Variants in NEO1 observed in about 807,000 individuals in gnomAD.
The protein encoded by NEO1 is neogenin.
A neutral mutation model predicts 159.7 loss-of-function variants in NEO1; 63 were observed. The observed-to-expected ratio is 0.39, with a 90% CI of 0.32 to 0.49. NEO1 has a LOEUF of 0.49. Ranked by LOEUF, NEO1 falls within the 20% of genes least tolerant of loss-of-function variation. The pLI is 0.85. For missense variants in NEO1, 1,615 were observed against 1,831.0 expected, an observed-to-expected ratio of 0.88 and a Z score of 2.15; for synonymous variants, 633 against 662.0, an observed-to-expected ratio of 0.96 and a Z score of 0.67.
At chr15:73,216,116 T>C (rs1261654480) in intron 7 of NEO1, among the ~76,000 whole-genome samples, 1 of 136,844 alleles carries the variant, frequency 7.3e-6, no homozygotes, top group African/African-American at 2.7e-5. Flanking sequence ...CAGAGTGTGA[T>C]GTTCCCCTTC....
intron 7 of NEO1, among the ~76,000 whole-genome samples, chr15:73,196,205 T>C (rs2036524454): frequency 6.6e-6 from 1 of 152,216 alleles, no homozygotes; most frequent in Non-Finnish European, 1.5e-5. Flanking sequence ...CACACCTTTT[T>C]TAATGAGTGC....
At chr15:73,058,635 C>T (rs1017013257) in intron 1 of NEO1, among the ~76,000 whole-genome samples, 2 of 152,164 alleles carry the variant, frequency 1.3e-5, no homozygotes, top group African/African-American at 2.4e-5. Flanking sequence ...GTAATGATGT[C>T]ATTAAGAATA....
At chr15:73,265,315 G>A (rs1052803382) in intron 15 of NEO1, among the ~76,000 whole-genome samples, 1 of 152,190 alleles carries the variant, frequency 6.6e-6, no homozygotes, top group Non-Finnish European at 1.5e-5. Context: ...AGGGGACACT[G>A]GAGCCGATCT....
At chr15:73,235,493 T>C (rs1204861121) in intron 7 of NEO1, among the ~76,000 whole-genome samples, 1 of 152,234 alleles carries the variant, frequency 6.6e-6, no homozygotes, top group Non-Finnish European at 1.5e-5. Context: ...GGCTTTTGAC[T>C]AGCAGCTTTG....
At chr15:73,299,621 G>C (rs1216533234) in intron 27 of NEO1, among the ~76,000 whole-genome samples, 3 of 152,146 alleles carry the variant, frequency 2.0e-5, no homozygotes, top group Admixed American at 2.0e-4. Context: ...TCCTGACCTC[G>C]TGATCCGCCC....
At chr15:73,105,933 A>G (rs1183698136) in intron 1 of NEO1, among the ~76,000 whole-genome samples, 1 of 152,154 alleles carries the variant, frequency 6.6e-6, no homozygotes, top group Non-Finnish European at 1.5e-5. Context: ...TTTGTAATTA[A>G]TGATTTGTGG....
intron 4 of NEO1, 194 bp downstream of exon 4, chr15:73,126,764 T>A: frequency 2.0e-6 from 1 of 503,064 alleles, no homozygotes; most frequent in Non-Finnish European, 3.3e-6. Context: ...ACTTTCAAAA[T>A]ATTAAGAGAT....
intron 8 of NEO1, among the ~76,000 whole-genome samples, chr15:73,238,505 T>C (rs967318326): frequency 1.3e-5 from 2 of 151,666 alleles, no homozygotes; most frequent in African/African-American, 4.8e-5. Flanking sequence ...ATTATCCATT[T>C]GGTGGGAAAA....
intron 5 of NEO1, among the ~76,000 whole-genome samples, chr15:73,153,264 C>G (rs2033522476): frequency 6.6e-6 from 1 of 152,200 alleles, no homozygotes; most frequent in African/African-American, 2.4e-5. Context: ...AACACCCTCA[C>G]AGAGAGGCAC....
At chr15:73,122,045 A>AGGGG (rs146416615) in intron 2 of NEO1, among the ~76,000 whole-genome samples, 5 of 129,892 alleles carry the variant, frequency 3.8e-5, no homozygotes, top group South Asian at 5.2e-4. Flanking sequence ...GGAAATATAT[A>AGGGG]GGGGTGTGTG....
intron 13 of NEO1, chr15:73,255,720 C>T (rs1479636063): frequency 6.6e-6 from 1 of 152,280 alleles, no homozygotes; most frequent in Admixed American, 6.5e-5. Flanking sequence ...GTTATACATG[C>T]CTCAGCTTCA....
chr15:73,066,845 C>T (rs957120948), intron 1 of NEO1, among the ~76,000 whole-genome samples: 31 of 152,146 alleles, frequency 2.0e-4, no homozygotes, highest in African/African-American at 5.8e-4. Context: ...TAGAATCTGC[C>T]GATAGCTCTA....
chr15:73,212,395 A>G (rs565858686), intron 7 of NEO1, among the ~76,000 whole-genome samples: 1 of 152,088 alleles, frequency 6.6e-6, no homozygotes, highest in East Asian at 1.9e-4. Flanking sequence ...TCTTCTATCC[A>G]CCTTCTTCTT....
chr15:73,161,532 A>G (rs982213229), intron 5 of NEO1, among the ~76,000 whole-genome samples: 1 of 152,180 alleles, frequency 6.6e-6, no homozygotes, highest in South Asian at 2.1e-4. Flanking sequence ...GACCACTGCT[A>G]CTACTGTGTC....
chr15:73,202,429 C>T (rs998889197), intron 7 of NEO1, among the ~76,000 whole-genome samples: 1 of 152,158 alleles, frequency 6.6e-6, no homozygotes, highest in Non-Finnish European at 1.5e-5. Context: ...CTGTTTTGAA[C>T]TCAGCTGAGC....
chr15:73,258,929 A>G (rs2079612320), intron 14 of NEO1, 53 bp downstream of exon 14: 5 of 1,478,858 alleles, frequency 3.4e-6, no homozygotes, highest in Non-Finnish European at 4.7e-6. Context: ...GCTGTAGTCA[A>G]ATGAGTCAAA....
chr15:73,110,033 A>G (rs2070888208), intron 1 of NEO1, among the ~76,000 whole-genome samples: 1 of 152,184 alleles, frequency 6.6e-6, no homozygotes, highest in South Asian at 2.1e-4. Flanking sequence ...AGTTAATAAC[A>G]TGAATGTTGT....
At chr15:73,266,052 A>C (rs1212384473) in intron 15 of NEO1, among the ~76,000 whole-genome samples, 1 of 152,218 alleles carries the variant, frequency 6.6e-6, no homozygotes, top group Non-Finnish European at 1.5e-5. Flanking sequence ...AACATCACTA[A>C]ACCATAGGAG....
chr15:73,139,358 A>G (rs559989847), intron 5 of NEO1, among the ~76,000 whole-genome samples: 1 of 152,334 alleles, frequency 6.6e-6, no homozygotes, highest in Admixed American at 6.5e-5. Flanking sequence ...CGCTCCTGCC[A>G]GTAATGGAAA....
Sources: gnomAD v4.1 joint callset for allele counts (sites outside exome capture counted in the v4.1 genomes callset) on GRCh38, gnomAD v4.1.1 for gene constraint, MANE v1.5 for transcripts, NCBI Gene and HGNC (gene_info 2026-07-23, HGNC 2026-07-21) for gene names.